Variants in ULK4 observed in about 807,000 individuals in gnomAD.
ULK4 encodes unc-51 like kinase 4, also known as inactive serine/threonine-protein kinase ULK4.
A neutral mutation model predicts 160.6 loss-of-function variants in ULK4; 133 were observed. That is an observed-to-expected ratio of 0.83 (90% CI 0.72 to 0.96). The LOEUF is 0.96. Ranked by LOEUF, ULK4 falls within the 40% of genes least tolerant of loss-of-function variation. The probability of loss-of-function intolerance (pLI) is 0.00; values close to 1 mark genes in which losing one functional copy is unlikely to be tolerated. For missense variants in ULK4, 1,580 were observed against 1,499.5 expected (o/e 1.05, Z -0.89); for synonymous variants, 534 against 539.8 (o/e 0.99, Z 0.15).
chr3:41,715,136 C>T lies in ULK4; in HGVS notation c.2634+101G>A, dbSNP rs1428284764. The T allele has an allele frequency of 1.0e-5, 12 of 1,201,834 alleles. No individual in the cohort carries two copies. The East Asian group carries it at 2.6e-4, about 26-fold the overall frequency. The allele number at this position is 1,201,834 out of a possible 1,614,324, so 74.4% of individuals were successfully genotyped here. A position where few individuals can be genotyped will look rare whatever the true frequency, so the allele number is the denominator to read the frequency against. ...TCACTTCCCTAGAGACAAATAAATA[C>T]CAACAGGATTTTTAAATTACCTCAT... is the stretch of plus-strand genomic sequence containing the variant. On this transcript the variant is annotated intron_variant, in intron 25 of 36. Transcript: ENST00000301831.
At chr3:41,340,063 T>G (rs1380556086) in intron 35 of ULK4, among the ~76,000 whole-genome samples, 1 of 152,230 alleles carries the variant, frequency 6.6e-6, no homozygotes, top group Non-Finnish European at 1.5e-5. Flanking sequence ...CCTTTAACAC[T>G]GTTTCCACTG....
intron 31 of ULK4, among the ~76,000 whole-genome samples, chr3:41,569,787 C>T (rs2087907150): frequency 9.9e-6 from 1 of 100,520 alleles, no homozygotes; most frequent in Admixed American, 1.2e-4. Context: ...GACTACCCTA[C>T]ATTTTTTTTT....
intron 21 of ULK4, among the ~76,000 whole-genome samples, chr3:41,770,622 T>G (rs1370182948): frequency 2.0e-5 from 3 of 151,528 alleles, no homozygotes; most frequent in Admixed American, 6.6e-5. Flanking sequence ...GTGATCCTCC[T>G]GCCTCACCCT....
intron 27 of ULK4, 75 bp from the exon 28 acceptor site, chr3:41,681,879 C>G (rs2035936388): frequency 4.6e-6 from 7 of 1,528,158 alleles, no homozygotes; most frequent in Non-Finnish European, 6.3e-6. Flanking sequence ...TATATTTTTT[C>G]CACAGACAGA....
chr3:41,953,285 C>CAT (rs1553692179), intron 2 of ULK4, among the ~76,000 whole-genome samples: 12 of 85,928 alleles, frequency 1.4e-4, no homozygotes, highest in African/African-American at 4.6e-4. Flanking sequence ...CATATATACA[C>CAT]ATATATATAT....
In ULK4 at chr3:41,285,485, C is replaced by A. The variant is rs552245739; in HGVS notation, c.3679-35911G>T. 5.3e-5 allele frequency among the ~76,000 whole-genome samples: 8 copies of A among 152,184 alleles called. No homozygotes were observed. In the East Asian group the frequency reaches 1.4e-3, roughly 26 times the overall value. Reference sequence around the variant, plus strand: ...GGCTATTATTCTAAGTGAAGTAACTCAGGAATGGAAAACCAAACATTGTAT... The same window carrying A: ...GGCTATTATTCTAAGTGAAGTAACTAAGGAATGGAAAACCAAACATTGTAT... On this transcript the variant is annotated intron_variant, in intron 35 of 36. Transcript: ENST00000301831.
intron 17 of ULK4, among the ~76,000 whole-genome samples, chr3:41,870,348 T>G (rs1252651501): frequency 6.6e-6 from 1 of 152,242 alleles, no homozygotes; most frequent in African/African-American, 2.4e-5. Flanking sequence ...GTTAGATAAT[T>G]TTATGTAATA....
At chr3:41,336,537 C>A (rs898315391) in intron 35 of ULK4, among the ~76,000 whole-genome samples, 3 of 152,206 alleles carry the variant, frequency 2.0e-5, no homozygotes, top group Non-Finnish European at 4.4e-5. Context: ...TGCCTTATGG[C>A]GTAAGGCGAG....
chr3:41,881,189 C>G (rs1442685442), intron 17 of ULK4, among the ~76,000 whole-genome samples: 3 of 149,564 alleles, frequency 2.0e-5, no homozygotes, highest in African/African-American at 5.0e-5. Flanking sequence ...CTTTATTTTT[C>G]TGGAGAGACT....
intron 2 of ULK4, among the ~76,000 whole-genome samples, chr3:41,951,501 T>C (rs1470815327): frequency 1.3e-5 from 2 of 151,532 alleles, no homozygotes; most frequent in South Asian, 2.1e-4. Context: ...GATGGAAATA[T>C]AGACCAACAG....
At chr3:41,956,020 C>A (rs1461637841) in intron 1 of ULK4, among the ~76,000 whole-genome samples, 1 of 151,934 alleles carries the variant, frequency 6.6e-6, no homozygotes, top group Non-Finnish European at 1.5e-5. Flanking sequence ...CTTCCTGTAA[C>A]TAAATTGAAA....
At chr3:41,748,050 T>C (rs1489032327) in intron 22 of ULK4, among the ~76,000 whole-genome samples, 1 of 152,082 alleles carries the variant, frequency 6.6e-6, no homozygotes, top group Admixed American at 6.6e-5. Flanking sequence ...ATTTTACTTA[T>C]ATTTTTATAA....
At chr3:41,800,717 C>G (rs577688568) in intron 19 of ULK4, among the ~76,000 whole-genome samples, 15 of 152,158 alleles carry the variant, frequency 9.9e-5, no homozygotes, top group African/African-American at 3.1e-4. Context: ...ATCTGAGCAC[C>G]GATCAATCAG....
At chr3:41,870,710 A>G (rs536365765) in intron 17 of ULK4, among the ~76,000 whole-genome samples, 20 of 151,668 alleles carry the variant, frequency 1.3e-4, no homozygotes, top group African/African-American at 4.6e-4. Flanking sequence ...GATTCACACA[A>G]CTACCACTGC....
At chr3:41,852,704 G>A (rs1019693661) in intron 17 of ULK4, among the ~76,000 whole-genome samples, 1 of 152,114 alleles carries the variant, frequency 6.6e-6, no homozygotes. Flanking sequence ...TTAACCCCAG[G>A]TGGATGGGGG....
At chr3:41,685,495 T>C (rs1007706235) in intron 27 of ULK4, among the ~76,000 whole-genome samples, 62 of 152,212 alleles carry the variant, frequency 4.1e-4, no homozygotes, top group African/African-American at 1.5e-3. Flanking sequence ...TGTTTAACCA[T>C]GCCTTTTACT....
chr3:41,419,583 T>C (rs1422104975), intron 34 of ULK4, among the ~76,000 whole-genome samples: 1 of 152,066 alleles, frequency 6.6e-6, no homozygotes, highest in Non-Finnish European at 1.5e-5. Flanking sequence ...GCGGTGGAGC[T>C]TGGAAAGTTT....
At chr3:41,655,069 G>T (rs978615785) in intron 30 of ULK4, among the ~76,000 whole-genome samples, 4 of 152,178 alleles carry the variant, frequency 2.6e-5, no homozygotes, top group Non-Finnish European at 5.9e-5. Context: ...AGCACTTTGG[G>T]AGGCTGAGGT....
chr3:41,681,506 A>C lies in ULK4; in HGVS notation c.2978+2T>G. ...GCATGAATACAACTGCATGATACTT[A>C]CTGGGGAAGTAAGACATCTCGAATG... On this transcript the variant is annotated splice_donor_variant, in intron 29 of 36. Coordinates refer to ENST00000301831, the MANE Select transcript of ULK4 (RefSeq NM_017886.4). LOFTEE classifies it high-confidence loss of function. The C allele has an allele frequency of 1.9e-6, 3 of 1,613,920 alleles. No individual in the cohort carries two copies. Among genetic ancestry groups the C allele is most frequent in the Non-Finnish European group, 1.7e-6 (2 of 1,179,922 alleles).
Sources: gnomAD v4.1 joint callset for allele counts (sites outside exome capture counted in the v4.1 genomes callset) on GRCh38, gnomAD v4.1.1 for gene constraint, MANE v1.5 for transcripts, NCBI Gene and HGNC (gene_info 2026-07-23, HGNC 2026-07-21) for gene names.